The following BLTP3B variants were observed in gnomAD, a reference collection of about 807,000 sequenced individuals.
BLTP3B encodes the protein bridge-like lipid transfer protein family member 3B.
At chr12:100,068,718 T>C in the BLTP3B span, among the ~76,000 whole-genome samples, 8 of 152,066 alleles carry the variant, frequency 5.3e-5, no homozygotes, top group African/African-American at 1.4e-4. Flanking sequence ...AAAGAACATA[T>C]ACAAATGGCC....
At chr12:100,088,038 C>A in the BLTP3B span, among the ~76,000 whole-genome samples, 1 of 152,154 alleles carries the variant, frequency 6.6e-6, no homozygotes, top group East Asian at 1.9e-4. Context: ...AGGCTGGAAT[C>A]TTTTAGGCTG....
the BLTP3B span, chr12:100,051,290 A>C: frequency 4.3e-6 from 6 of 1,402,264 alleles, no homozygotes; most frequent in Non-Finnish European, 5.7e-6. Context: ...CTGTATGCTT[A>C]TTTAACAAAA....
the BLTP3B span, chr12:100,037,649 ATCT>A: frequency 1.9e-6 from 3 of 1,608,638 alleles, no homozygotes; most frequent in South Asian, 1.1e-5. Context: ...TTCAACTGTC[ATCT>A]TCTTTATATG....
At chr12:100,072,404 A>G in the BLTP3B span, among the ~76,000 whole-genome samples, 206 of 152,254 alleles carry the variant, frequency 1.4e-3, 4 homozygotes, top group South Asian at 0.017. Flanking sequence ...ACTATACACA[A>G]TAAGAATAAA....
the BLTP3B span, among the ~76,000 whole-genome samples, chr12:100,045,398 T>A: frequency 1.3e-5 from 2 of 151,930 alleles, no homozygotes; most frequent in African/African-American, 2.4e-5. Context: ...CAGTGGAACA[T>A]AACAGAGGCC....
chr12:100,042,649 G>C, the BLTP3B span, among the ~76,000 whole-genome samples: 1 of 152,124 alleles, frequency 6.6e-6, no homozygotes, highest in Non-Finnish European at 1.5e-5. Flanking sequence ...AAACAGAAAA[G>C]TTGAACACTG....
At chr12:100,071,814 T>C in the BLTP3B span, among the ~76,000 whole-genome samples, 1 of 152,202 alleles carries the variant, frequency 6.6e-6, no homozygotes, top group African/African-American at 2.4e-5. Flanking sequence ...TTTTCAATAA[T>C]ATATAAATGA....
the BLTP3B span, among the ~76,000 whole-genome samples, chr12:100,135,277 C>CTGTCTTTTTT: frequency 8.6e-6 from 1 of 116,336 alleles, no homozygotes; most frequent in Non-Finnish European, 1.7e-5. Context: ...TTTTTTCTTT[C>CTGTCTTTTTT]TTTCTTTTTT....
chr12:100,103,777 C>A, the BLTP3B span: 1 of 669,878 alleles, frequency 1.5e-6, no homozygotes. Flanking sequence ...AAACCTGAGT[C>A]CTATCAAAAT....
At chr12:100,101,184 C>CCTT in the BLTP3B span, among the ~76,000 whole-genome samples, 1 of 152,166 alleles carries the variant, frequency 6.6e-6, no homozygotes, top group Admixed American at 6.5e-5. Flanking sequence ...AAGAAGTTAA[C>CCTT]ATGAAAGCTC....
chr12:100,096,785 C>T, the BLTP3B span, among the ~76,000 whole-genome samples: 1 of 152,156 alleles, frequency 6.6e-6, no homozygotes, highest in East Asian at 1.9e-4. Context: ...TGTCCCACTG[C>T]ACTCCAGCCT....
At chr12:100,057,419 A>G in the BLTP3B span, 2 of 407,450 alleles carry the variant, frequency 4.9e-6, no homozygotes, top group Non-Finnish European at 8.2e-6. Context: ...ATTACTAAAT[A>G]TAAGTAGAAA....
chr12:100,089,920 T>C, the BLTP3B span, among the ~76,000 whole-genome samples: 1 of 152,134 alleles, frequency 6.6e-6, no homozygotes, highest in African/African-American at 2.4e-5. Flanking sequence ...CTGGTGGTAG[T>C]AAATAAGTCT....
chr12:100,113,472 T>A, the BLTP3B span, among the ~76,000 whole-genome samples: 2 of 151,844 alleles, frequency 1.3e-5, no homozygotes, highest in African/African-American at 4.8e-5. Context: ...AAAAAAAAAA[T>A]CTCATCTCAA....
chr12:100,093,414 T>TA, the BLTP3B span, among the ~76,000 whole-genome samples: 2 of 152,174 alleles, frequency 1.3e-5, no homozygotes, highest in African/African-American at 2.4e-5. Flanking sequence ...TGATCTACTA[T>TA]AAAAAAATTA....
At chr12:100,089,797 C>T in the BLTP3B span, among the ~76,000 whole-genome samples, 10 of 152,126 alleles carry the variant, frequency 6.6e-5, no homozygotes, top group African/African-American at 2.2e-4. Flanking sequence ...TGGTTTGGCC[C>T]TGTGTCCCCA....
the BLTP3B span, among the ~76,000 whole-genome samples, chr12:100,067,644 T>TA: frequency 6.6e-6 from 1 of 151,858 alleles, no homozygotes; most frequent in African/African-American, 2.4e-5. Context: ...CAGGAAGAAT[T>TA]AGATAGTCTG....
At chr12:100,067,534 G>C in the BLTP3B span, among the ~76,000 whole-genome samples, 29 of 151,996 alleles carry the variant, frequency 1.9e-4, no homozygotes, top group African/African-American at 6.8e-4. Flanking sequence ...AAATACAAAA[G>C]GTCATTCAAG....
chr12:100,070,229 A>C, the BLTP3B span: 1 of 1,531,016 alleles, frequency 6.5e-7, no homozygotes, highest in Non-Finnish European at 8.8e-7. Context: ...AAACCACAAA[A>C]GATTGTTGAA....
Sources: gnomAD v4.1 joint callset for allele counts (sites outside exome capture counted in the v4.1 genomes callset) on GRCh38, gnomAD v4.1.1 for gene constraint, MANE v1.5 for transcripts, NCBI Gene and HGNC (gene_info 2026-07-23, HGNC 2026-07-21) for gene names.